The following EYA1 variants were observed in gnomAD, a reference collection of about 807,000 sequenced individuals.
EYA1 encodes protein phosphatase EYA1.
In EYA1, 16 loss-of-function variants were observed where a neutral mutation model predicts 82.0. The observed-to-expected ratio is 0.20, with a 90% CI of 0.13 to 0.30. The LOEUF is 0.30. Among genes scored for constraint, EYA1 ranks in the 10% least tolerant of loss-of-function variants. The probability of loss-of-function intolerance (pLI) is 1.00; values close to 1 mark genes in which losing one functional copy is unlikely to be tolerated. For synonymous variants in EYA1, 261 were observed against 264.4 expected, an observed-to-expected ratio of 0.99 and a Z score of 0.12; for missense variants, 633 against 730.7, an observed-to-expected ratio of 0.87 and a Z score of 1.54.
chr8:71,438,868 G>T (rs1403732025), intron 2 of EYA1, among the ~76,000 whole-genome samples: 1 of 152,164 alleles, frequency 6.6e-6, no homozygotes, highest in African/African-American at 2.4e-5. Flanking sequence ...CGGAGGTTTG[G>T]AGAATGTCTT....
intron 16 of EYA1, 131 bp downstream of exon 16, chr8:71,215,252 ATTGG>A (rs1809035532): frequency 1.2e-6 from 1 of 857,052 alleles, no homozygotes; most frequent in South Asian, 1.6e-5. Flanking sequence ...AGTTTTGCAA[ATTGG>A]TTAAATTATT....
chr8:71,543,156 G>A (rs1237268898), intron 1 of EYA1, among the ~76,000 whole-genome samples: 2 of 152,066 alleles, frequency 1.3e-5, no homozygotes, highest in African/African-American at 4.8e-5. Context: ...GTCTTCCAGG[G>A]TTTTTATAGT....
At chr8:71,427,115 C>A (rs1805288552) in intron 2 of EYA1, among the ~76,000 whole-genome samples, 1 of 152,200 alleles carries the variant, frequency 6.6e-6, no homozygotes, top group Non-Finnish European at 1.5e-5. Flanking sequence ...TGTGACTGAT[C>A]TAAACTTAGC....
At chr8:71,353,789 A>G (rs78048655) in intron 3 of EYA1, among the ~76,000 whole-genome samples, 2,073 of 152,282 alleles carry the variant, frequency 0.014, 45 homozygotes, top group African/African-American at 0.046. Flanking sequence ...AGATCACCAT[A>G]GTGACTGGGA....
chr8:71,240,664 T>C lies in EYA1; in HGVS notation c.1140+3939A>G, dbSNP rs1349574215. ...GTTAGGATGGCAACCATAATGCCAG[T>C]GAAATCATATTCCTTAACCAGACAG... On this transcript the variant is annotated intron_variant, in intron 12 of 17. Transcript: ENST00000340726. Among the ~76,000 whole-genome samples the C allele has an allele frequency of 2.6e-5, 4 of 152,322 alleles. No homozygotes were observed. In the East Asian group the frequency reaches 5.8e-4, roughly 22 times the overall value.
rs13258146 is a variant in EYA1, at chr8:71,275,265, C to A, written c.827-3368G>T. On this transcript the variant is annotated intron_variant, in intron 9 of 17. Coordinates refer to ENST00000340726, the MANE Select transcript of EYA1 (RefSeq NM_000503.6). ...ACTAAGTGGATAAGGAAGAAAGATG[C>A]AGTAAAAAATCATGCCCATGTCAGT... Among the ~76,000 whole-genome samples, 900 of 152,248 alleles carry A rather than the reference C, an allele frequency of 5.9e-3. 4 individuals are homozygous for A. Among genetic ancestry groups the A allele is most frequent in the Non-Finnish European group, 7.9e-3 (535 of 68,012 alleles).
intron 1 of EYA1, among the ~76,000 whole-genome samples, chr8:71,541,089 G>C (rs899877930): frequency 6.6e-6 from 1 of 152,124 alleles, no homozygotes; most frequent in African/African-American, 2.4e-5. Flanking sequence ...TGCTTTCTTT[G>C]CCTTCCTAAG....
rs71264555 is a variant in EYA1, at chr8:71,425,104, CAAAAAA to C, written c.34-68599_34-68594del. On this transcript the variant is annotated intron_variant, in intron 2 of 18. Transcript: ENST00000643681. ...TGAAACCCTGTCTCCACTAAAAATA[CAAAAAA>C]AAAAAAAAAAAAAAAAAAATCAATG... Among the ~76,000 whole-genome samples, 205 of 75,276 alleles carry C rather than the reference CAAAAAA, an allele frequency of 2.7e-3. 1 individual carries two copies. Among genetic ancestry groups the C allele is most frequent in the African/African-American group, 0.011 (190 of 17,896 alleles). 49.4% of individuals were successfully genotyped at this position (75,276 alleles called of 152,430 possible).
At chr8:71,374,521 G>T (rs997034184) in intron 2 of EYA1, among the ~76,000 whole-genome samples, 3 of 152,298 alleles carry the variant, frequency 2.0e-5, no homozygotes, top group African/African-American at 7.2e-5. Context: ...GGAAACCTTT[G>T]CAGGCCATTG....
intron 2 of EYA1, among the ~76,000 whole-genome samples, chr8:71,513,139 C>T (rs963636285): frequency 6.6e-6 from 1 of 152,118 alleles, no homozygotes; most frequent in Non-Finnish European, 1.5e-5. Context: ...TGCACAAAAT[C>T]AATGAGCATA....
intron 11 of EYA1, among the ~76,000 whole-genome samples, chr8:71,268,550 T>C (rs1816140430): frequency 6.6e-6 from 1 of 152,260 alleles, no homozygotes; most frequent in Non-Finnish European, 1.5e-5. Flanking sequence ...ATTGATTCTA[T>C]GGCCTTATAT....
At chr8:71,486,854 T>C (rs1267108423) in intron 2 of EYA1, among the ~76,000 whole-genome samples, 1 of 151,840 alleles carries the variant, frequency 6.6e-6, no homozygotes, top group African/African-American at 2.4e-5. Context: ...CCAGCTCTGG[T>C]AGGTTGCCTC....
At chr8:71,232,791 A>G (rs1811352406) in intron 12 of EYA1, among the ~76,000 whole-genome samples, 1 of 151,974 alleles carries the variant, frequency 6.6e-6, no homozygotes, top group Non-Finnish European at 1.5e-5. Flanking sequence ...TCCCTCCTTA[A>G]GTCACTTTCC....
At chr8:71,501,283 G>A (rs1420901803) in intron 2 of EYA1, among the ~76,000 whole-genome samples, 4 of 152,148 alleles carry the variant, frequency 2.6e-5, no homozygotes, top group African/African-American at 4.8e-5. Context: ...AAAAACAGAA[G>A]GAATAAACAA....
chr8:71,202,611 G>A (rs555958916), intron 17 of EYA1, among the ~76,000 whole-genome samples: 4 of 152,208 alleles, frequency 2.6e-5, no homozygotes, highest in African/African-American at 7.2e-5. Flanking sequence ...AGTGGGGATG[G>A]GCCATTCATT....
At chr8:71,224,670 C>T (rs961437744) in intron 12 of EYA1, among the ~76,000 whole-genome samples, 5 of 152,176 alleles carry the variant, frequency 3.3e-5, no homozygotes, top group Non-Finnish European at 7.3e-5. Context: ...CTAATTTTGT[C>T]AAGCCATTAG....
intron 7 of EYA1, among the ~76,000 whole-genome samples, chr8:71,306,563 G>A (rs1820762505): frequency 6.6e-6 from 1 of 152,024 alleles, no homozygotes; most frequent in African/African-American, 2.4e-5. Context: ...TTATAACCAG[G>A]CTGTTGCCTA....
intron 9 of EYA1, among the ~76,000 whole-genome samples, chr8:71,274,546 T>A (rs990268024): frequency 1.3e-5 from 2 of 152,158 alleles, no homozygotes; most frequent in Non-Finnish European, 2.9e-5. Flanking sequence ...TTGGAGTGGA[T>A]GTCACGTTCA....
intron 1 of EYA1, among the ~76,000 whole-genome samples, chr8:71,545,557 CCTT>C (rs1381452077): frequency 7.8e-6 from 1 of 128,622 alleles, no homozygotes; most frequent in Non-Finnish European, 1.6e-5. Context: ...TTATTTTGTT[CCTT>C]TTTTTTTTTT....
Sources: allele counts gnomAD v4.1 joint callset (sites outside exome capture counted in the v4.1 genomes callset), GRCh38; gene constraint gnomAD v4.1.1; transcripts MANE v1.5; gene names NCBI Gene and HGNC (gene_info 2026-07-23, HGNC 2026-07-21).